AXIN2: variants seen among roughly 807,000 people sequenced by gnomAD.
AXIN2 encodes the protein axin 2, also known as axin-2.
Under a neutral mutation model 74.7 loss-of-function variants are expected in AXIN2, and 21 were observed. That is an observed-to-expected ratio of 0.28 (90% CI 0.20 to 0.40). The LOEUF (loss-of-function observed/expected upper bound fraction) is 0.40. AXIN2 is among the 10% of genes least tolerant of loss of function. The pLI, the probability that AXIN2 is intolerant of heterozygous loss-of-function variation, is 1.00. For missense variants in AXIN2, 1,144 were observed against 1,111.1 expected (o/e 1.03, Z -0.42); for synonymous variants, 532 against 454.9 (o/e 1.17, Z -2.16).
At chr17:65,533,536 T>C (rs2144415006) in intron 10 of AXIN2, among the ~76,000 whole-genome samples, 1 of 152,292 alleles carries the variant, frequency 6.6e-6, no homozygotes, top group South Asian at 2.1e-4. Context: ...TCCCTCTTTT[T>C]GCTCCCTGCT....
intron 3 of AXIN2, among the ~76,000 whole-genome samples, chr17:65,545,003 T>G (rs2044097754): frequency 6.6e-6 from 1 of 152,196 alleles, no homozygotes; most frequent in African/African-American, 2.4e-5. Flanking sequence ...TCAGATGCAT[T>G]TCCTGGTGTC....
chr17:65,538,365 G>A, intron 4 of AXIN2, 22 bp from the exon 5 acceptor site: 1 of 1,613,880 alleles, frequency 6.2e-7, no homozygotes, highest in Non-Finnish European at 8.5e-7. Context: ...GGAAAGGAAA[G>A]GGAGGAGGCA....
chr17:65,529,716 A>C lies in AXIN2; in HGVS notation c.*260T>G, dbSNP rs935528630. The C allele has an allele frequency of 1.9e-5, 10 of 521,494 alleles. No homozygotes were observed. The highest frequency in any genetic ancestry group is 3.5e-5 in the Non-Finnish European group (10 of 289,370). 32.3% of individuals were successfully genotyped at this position (521,494 alleles called of 1,614,324 possible). On this transcript the variant is annotated 3_prime_UTR_variant, in exon 11 of 11. Coordinates refer to ENST00000307078, the MANE Select transcript of AXIN2 (RefSeq NM_004655.4). ...GTATGGCAGTCTCTCAAATACAGGCAGCATCTTCAATAGCCAAGAGTGGTC... is the reference window on the plus strand; with the variant it reads ...GTATGGCAGTCTCTCAAATACAGGCCGCATCTTCAATAGCCAAGAGTGGTC...
At position 65,538,070 on chromosome 17, in the gene AXIN2, A is replaced by C. The variant is rs755554079; in HGVS notation, c.1200+133T>G. The C allele has an allele frequency of 3.3e-5, 50 of 1,507,490 alleles. 1 individual carries two copies. The South Asian group carries it at 5.5e-4, about 16-fold the overall frequency. The allele number at this position is 1,507,490 out of a possible 1,614,324, so 93.4% of individuals were successfully genotyped here. On this transcript the variant is annotated intron_variant, in intron 5 of 10. Transcript: ENST00000307078. ...ACAGCCCACGCCCAGGCACACACCC[A>C]CACGCAGCCCACGCGCATGCGCATG...
chr17:65,554,790 C>G (rs963197581), intron 2 of AXIN2, among the ~76,000 whole-genome samples: 1 of 152,144 alleles, frequency 6.6e-6, no homozygotes, highest in Non-Finnish European at 1.5e-5. Flanking sequence ...CACAAGGGCC[C>G]GTGCAGAAAG....
At chr17:65,534,585 G>A (rs2043876981) in intron 9 of AXIN2, among the ~76,000 whole-genome samples, 1 of 152,092 alleles carries the variant, frequency 6.6e-6, no homozygotes, top group South Asian at 2.1e-4. Flanking sequence ...TTATCACACA[G>A]TCATGTCCAT....
At chr17:65,539,287 C>G (rs985652151) in intron 4 of AXIN2, among the ~76,000 whole-genome samples, 2 of 152,020 alleles carry the variant, frequency 1.3e-5, no homozygotes, top group Admixed American at 6.6e-5. Flanking sequence ...AGCTAACTTG[C>G]AAAGGCTAGC....
intron 2 of AXIN2, among the ~76,000 whole-genome samples, chr17:65,554,029 C>G (rs1020709729): frequency 1.1e-4 from 17 of 152,136 alleles, no homozygotes; most frequent in Non-Finnish European, 1.5e-4. Flanking sequence ...CCTCAGTAAG[C>G]AAAGGGTTTT....
At chr17:65,551,491 G>A (rs747256095) in intron 2 of AXIN2, among the ~76,000 whole-genome samples, 12 of 152,152 alleles carry the variant, frequency 7.9e-5, no homozygotes, top group Non-Finnish European at 1.6e-4. Flanking sequence ...CCGGCAGGGA[G>A]AAAGCATTCC....
chr17:65,559,098 G>T (rs904538592), intron 1 of AXIN2, among the ~76,000 whole-genome samples: 1 of 151,992 alleles, frequency 6.6e-6, no homozygotes, highest in Non-Finnish European at 1.5e-5. Flanking sequence ...CTCAGCCCGC[G>T]CCTCGCCTTC....
Position 65,557,944 on chromosome 17 carries a change from G to A in AXIN2, c.677C>T (p.Pro226Leu). ...GSLKVVCGYL[P>L]TLNEEEEWTC... ...CCACTCCTCTTCTTCATTCAAGGTG[G>A]GGAGATAGCCACACACGACCTTTAG... The change falls in exon 2 of 11, where the codon CCC becomes CTC. Residue 226 changes from proline to leucine, a missense_variant. By Grantham distance (98) the Pro-to-Leu change is moderately conservative (BLOSUM62 -3). Transcript: ENST00000307078. The A allele has an allele frequency of 6.2e-7, 1 of 1,614,164 alleles. No individual in the cohort carries two copies. The highest frequency in any genetic ancestry group is 8.5e-7 in the Non-Finnish European group (1 of 1,180,040).
Position 65,541,445 on chromosome 17 carries a change from C to T in AXIN2, c.1059+10G>A. 1.2e-6 allele frequency: 2 copies of T among 1,608,928 alleles called. No homozygotes were observed. The highest frequency in any genetic ancestry group is 1.7e-6 in the Non-Finnish European group (2 of 1,175,184). On this transcript the variant is annotated intron_variant, in intron 4 of 10. Coordinates refer to ENST00000307078, the MANE Select transcript of AXIN2 (RefSeq NM_004655.4). ...AAAACAGCTGTCTCCTCACTCCAGA[C>T]TGTACTCACCGGGAAATGAGGTAGA...
At chr17:65,549,446 A>G (rs560043876) in intron 3 of AXIN2, 74 bp downstream of exon 3, 262 of 1,592,944 alleles carry the variant, frequency 1.6e-4, no homozygotes, top group Non-Finnish European at 2.1e-4. Flanking sequence ...TGAGGATGAC[A>G]GACGATTCTG....
At position 65,558,627 on chromosome 17, in the gene AXIN2, G is replaced by A. The variant is rs1057521320; in HGVS notation, c.-7C>T. 1.2e-6 allele frequency: 2 copies of A among 1,603,822 alleles called. No individual in the cohort carries two copies. The highest frequency in any genetic ancestry group is 8.5e-7 in the Non-Finnish European group (1 of 1,179,686). On this transcript the variant is annotated 5_prime_UTR_variant, in exon 2 of 11. Transcript: ENST00000307078. ...CCAACATAGCGCTACTCATGGTGAGGGAGCTCTTCCCACTGAGTCTGGGAA... is the reference window on the plus strand; with the variant it reads ...CCAACATAGCGCTACTCATGGTGAGAGAGCTCTTCCCACTGAGTCTGGGAA...
At chr17:65,556,599 T>C (rs977150641) in intron 2 of AXIN2, among the ~76,000 whole-genome samples, 1 of 152,150 alleles carries the variant, frequency 6.6e-6, no homozygotes, top group Non-Finnish European at 1.5e-5. Flanking sequence ...GAACAAGCCC[T>C]TCCTCTCCTC....
chr17:65,530,727 C>T (rs146218046), intron 10 of AXIN2, among the ~76,000 whole-genome samples: 3 of 152,206 alleles, frequency 2.0e-5, no homozygotes, highest in Admixed American at 6.5e-5. Flanking sequence ...TTCCCAGGGC[C>T]GAACAGACGG....
intron 2 of AXIN2, among the ~76,000 whole-genome samples, chr17:65,557,549 T>C: frequency 6.6e-6 from 1 of 152,212 alleles, no homozygotes; most frequent in Non-Finnish European, 1.5e-5. Context: ...TAGCCCGGGA[T>C]AATAAGTAAC....
chr17:65,537,909 C>T (rs1598099940), intron 5 of AXIN2, 74 bp from the exon 6 acceptor site: 5 of 1,477,720 alleles, frequency 3.4e-6, no homozygotes, highest in South Asian at 2.8e-5. Context: ...TTGCAACATT[C>T]GGCTCCCTAC....
chr17:65,536,863 G>A lies in AXIN2; in HGVS notation c.1907+6C>T, dbSNP rs1555577337. 6.2e-7 allele frequency: 1 copy of A among 1,613,008 alleles called. No homozygotes were observed. The highest frequency in any genetic ancestry group is 8.5e-7 in the Non-Finnish European group (1 of 1,179,902). On this transcript the variant is annotated splice_donor_region_variant and intron_variant, in intron 7 of 10. Coordinates refer to ENST00000307078, the MANE Select transcript of AXIN2 (RefSeq NM_004655.4). ...CGCGGCCGCGGCGGCGGCAAGCGGT[G>A]TTTACCTATGGGGCTTGGGCTTGCT...
Sources: gnomAD v4.1 joint callset for allele counts (sites outside exome capture counted in the v4.1 genomes callset) on GRCh38, gnomAD v4.1.1 for gene constraint, MANE v1.5 for transcripts, NCBI Gene and HGNC (gene_info 2026-07-23, HGNC 2026-07-21) for gene names.